The following ARHGAP32 variants were observed in gnomAD, a reference collection of about 807,000 sequenced individuals.
ARHGAP32 encodes the protein rho GTPase-activating protein 32.
Under a neutral mutation model 186.5 loss-of-function variants are expected in ARHGAP32, and 51 were observed. That is an observed-to-expected ratio of 0.27 (90% CI 0.22 to 0.35). ARHGAP32 has a LOEUF of 0.35. ARHGAP32 is among the 10% of genes least tolerant of loss of function. The probability of loss-of-function intolerance (pLI) is 1.00; values close to 1 mark genes in which losing one functional copy is unlikely to be tolerated. For synonymous variants in ARHGAP32, 950 were observed against 964.3 expected (o/e 0.99, Z 0.27); for missense variants, 2,186 against 2,623.5 (o/e 0.83, Z 3.64).
intron 5 of ARHGAP32, among the ~76,000 whole-genome samples, chr11:129,111,622 T>C (rs1252560419): frequency 4.6e-5 from 7 of 152,192 alleles, no homozygotes; most frequent in African/African-American, 1.4e-4. Flanking sequence ...GATTCAATTT[T>C]AGTAGGCTGC....
At chr11:129,155,302 T>C (rs1014219333) in intron 2 of ARHGAP32, among the ~76,000 whole-genome samples, 11 of 152,136 alleles carry the variant, frequency 7.2e-5, no homozygotes, top group African/African-American at 2.7e-4. Context: ...TACATATACA[T>C]AGGAATAAAA....
At chr11:129,089,941 C>A (rs10790988) in intron 6 of ARHGAP32, among the ~76,000 whole-genome samples, 23,075 of 152,034 alleles carry the variant, frequency 0.15, 2,278 homozygotes, top group Non-Finnish European at 0.21. Context: ...TATCAATTAT[C>A]TTTTTAAATG....
chr11:129,128,901 C>CT (rs1285688674), intron 2 of ARHGAP32, among the ~76,000 whole-genome samples: 1 of 152,166 alleles, frequency 6.6e-6, no homozygotes, highest in Non-Finnish European at 1.5e-5. Flanking sequence ...GTTGCCCAGG[C>CT]TGGAGTGCAG....
At chr11:129,213,910 T>A (rs1944612753) in intron 1 of ARHGAP32, among the ~76,000 whole-genome samples, 1 of 152,062 alleles carries the variant, frequency 6.6e-6, no homozygotes, top group African/African-American at 2.4e-5. Context: ...TTAATAAAAA[T>A]TATAAAAAAT....
At chr11:129,066,334 A>G (rs1005865207) in intron 7 of ARHGAP32, among the ~76,000 whole-genome samples, 1 of 151,784 alleles carries the variant, frequency 6.6e-6, no homozygotes, top group South Asian at 2.1e-4. Flanking sequence ...CGTTTTTACT[A>G]TTTATTTTTT....
At chr11:129,027,917 T>C (rs2134942171) in intron 11 of ARHGAP32, among the ~76,000 whole-genome samples, 1 of 152,342 alleles carries the variant, frequency 6.6e-6, no homozygotes, top group South Asian at 2.1e-4. Flanking sequence ...GATAAATTCT[T>C]GATCAATTAA....
chr11:129,193,325 G>C (rs1373517873), upstream of ARHGAP32, among the ~76,000 whole-genome samples: 1 of 7,770 alleles, frequency 1.3e-4, no homozygotes, highest in Non-Finnish European at 2.3e-4. Context: ...GGGGGGGGGG[G>C]GGCGGGAAAC....
chr11:129,223,691 A>T (rs1332571232), intron 1 of ARHGAP32, among the ~76,000 whole-genome samples: 1 of 152,220 alleles, frequency 6.6e-6, no homozygotes, highest in Non-Finnish European at 1.5e-5. Context: ...TTTAAAAAAC[A>T]GCTAAAGAAG....
At chr11:129,080,110 A>C (rs1941177979) in intron 6 of ARHGAP32, among the ~76,000 whole-genome samples, 1 of 152,158 alleles carries the variant, frequency 6.6e-6, no homozygotes, top group Non-Finnish European at 1.5e-5. Context: ...TAAAATAATA[A>C]CTACTAGACC....
intron 1 of ARHGAP32, among the ~76,000 whole-genome samples, chr11:129,265,792 C>G (rs191094456): frequency 9.3e-4 from 141 of 152,314 alleles, no homozygotes; most frequent in Non-Finnish European, 1.7e-3. Flanking sequence ...TGCACACTTT[C>G]CTGTCTTATG....
intron 11 of ARHGAP32, among the ~76,000 whole-genome samples, chr11:129,034,976 G>T (rs965066039): frequency 6.6e-6 from 1 of 152,042 alleles, no homozygotes; most frequent in African/African-American, 2.4e-5. Flanking sequence ...GAATAGCTAT[G>T]AACATAAAGC....
At chr11:129,195,731 A>C (rs1326862376), upstream of ARHGAP32, among the ~76,000 whole-genome samples, 1 of 152,216 alleles carries the variant, frequency 6.6e-6, no homozygotes, top group Non-Finnish European at 1.5e-5. Context: ...AAAGGAAAAA[A>C]AGTTTTTAAA....
At chr11:128,993,258 A>T (rs751065467) in intron 12 of ARHGAP32, 1 of 152,174 alleles carries the variant, frequency 6.6e-6, no homozygotes, top group Non-Finnish European at 1.5e-5. Flanking sequence ...ATGCTTCACG[A>T]ATTTGTGTGT....
chr11:128,975,045 A>G, intron 20 of ARHGAP32, 43 bp from the exon 21 acceptor site: 1 of 1,531,256 alleles, frequency 6.5e-7, no homozygotes, highest in Non-Finnish European at 8.8e-7. Flanking sequence ...AACATCGTAG[A>G]TACAGAATGC....
At chr11:128,990,506 T>C (rs1417157180) in intron 12 of ARHGAP32, among the ~76,000 whole-genome samples, 2 of 152,204 alleles carry the variant, frequency 1.3e-5, no homozygotes, top group South Asian at 2.1e-4. Context: ...AGTTTTCATA[T>C]GAATACATTT....
intron 5 of ARHGAP32, among the ~76,000 whole-genome samples, chr11:129,097,874 T>A (rs1016038686): frequency 3.3e-5 from 5 of 151,908 alleles, no homozygotes; most frequent in African/African-American, 4.8e-5. Flanking sequence ...CACCCGATAA[T>A]CAAATGTTCA....
At chr11:129,109,259 C>T (rs1942137686) in intron 5 of ARHGAP32, among the ~76,000 whole-genome samples, 1 of 151,572 alleles carries the variant, frequency 6.6e-6, no homozygotes, top group Non-Finnish European at 1.5e-5. Context: ...AAATAGTATT[C>T]GATTGCATAT....
intron 5 of ARHGAP32, among the ~76,000 whole-genome samples, chr11:129,113,464 A>G (rs1942281574): frequency 6.6e-6 from 1 of 152,114 alleles, no homozygotes; most frequent in Non-Finnish European, 1.5e-5. Flanking sequence ...GATAAATTTT[A>G]ACTTTTTATA....
At chr11:129,170,330 C>A (rs1257411868) in intron 1 of ARHGAP32, among the ~76,000 whole-genome samples, 4 of 151,796 alleles carry the variant, frequency 2.6e-5, no homozygotes, top group Admixed American at 2.6e-4. Flanking sequence ...CCCCTCCCCT[C>A]ACCCTCCACC....
Sources: gnomAD v4.1 joint callset for allele counts (sites outside exome capture counted in the v4.1 genomes callset) on GRCh38, gnomAD v4.1.1 for gene constraint, MANE v1.5 for transcripts, NCBI Gene and HGNC (gene_info 2026-07-23, HGNC 2026-07-21) for gene names.